Variants in SPTAN1 observed in about 807,000 individuals in gnomAD.
SPTAN1 encodes the protein spectrin alpha chain, non-erythrocytic 1.
In SPTAN1, 61 loss-of-function variants were observed where a neutral mutation model predicts 331.3. The observed-to-expected ratio is 0.18, with a 90% CI of 0.15 to 0.23. The LOEUF (loss-of-function observed/expected upper bound fraction) is 0.23. SPTAN1 is among the 10% of genes least tolerant of loss of function. The pLI, the probability that SPTAN1 is intolerant of heterozygous loss-of-function variation, is 1.00. For synonymous variants in SPTAN1, 1,153 were observed against 1,173.9 expected, an observed-to-expected ratio of 0.98 and a Z score of 0.36; for missense variants, 2,043 against 3,147.9, an observed-to-expected ratio of 0.65 and a Z score of 8.40.
At position 128,625,057 on chromosome 9, in the gene SPTAN1, A is replaced by G. The variant is rs774252764; in HGVS notation, c.5993-46A>G. The G allele has an allele frequency of 3.1e-5, 48 of 1,566,034 alleles. No homozygotes were observed. The highest frequency in any genetic ancestry group is 6.8e-5 in the African/African-American group (5 of 73,960). On this transcript the variant is annotated intron_variant, in intron 46 of 56. Coordinates refer to ENST00000372739, the MANE Select transcript of SPTAN1 (RefSeq NM_001130438.3). This position sits in a 1 kb window ranked among gnomAD's most constrained non-coding sequence, Gnocchi z 4.1. ...TTTTGATGTTTTTCCTTTCTAATCC[A>G]TCTCCACTGAGGAGGGCAGTATATT...
intron 21 of SPTAN1, among the ~76,000 whole-genome samples, chr9:128,590,602 A>T (rs925609747): frequency 1.9e-4 from 29 of 150,838 alleles, no homozygotes; most frequent in Middle Eastern, 6.9e-3. Context: ...CTATAATATC[A>T]GCGCTTTGGG....
At chr9:128,630,523 A>ACT (rs1766797388) in intron 52 of SPTAN1, 148 bp downstream of exon 52, 1 of 702,552 alleles carries the variant, frequency 1.4e-6, no homozygotes, top group Non-Finnish European at 2.5e-6. Flanking sequence ...AGGGCTCTTC[A>ACT]CTATCTCTCT....
chr9:128,618,032 G>A lies in SPTAN1; in HGVS notation c.5524G>A (p.Gly1842Arg), dbSNP rs770133448. 13 of 1,613,934 alleles carry A rather than the reference G, an allele frequency of 8.1e-6. No individual in the cohort carries two copies. Among genetic ancestry groups the A allele is most frequent in the African/African-American group, 1.3e-5 (1 of 74,904 alleles). The change falls in exon 43 of 57, where the codon GGG becomes AGG. Residue 1842 changes from glycine (G) to arginine (R), a missense_variant. Around this residue, in one of 12 missense-constraint regions of SPTAN1, gnomAD observed 323 missense variants for 581.1 expected, o/e 0.56. Transcript: ENST00000372739. The part of the protein sequence containing the change: ...GKKLSDDNTI[G>R]KEEIQQRLAQ... ...GAAGCTGTCCGATGACAACACCATC[G>A]GGAAAGAGGAGATCCAGCAGCGGCT...
intron 1 of SPTAN1, among the ~76,000 whole-genome samples, chr9:128,559,397 G>T (rs1255101890): frequency 6.6e-6 from 1 of 152,158 alleles, no homozygotes; most frequent in Non-Finnish European, 1.5e-5. Context: ...ATCATAAAGG[G>T]CTGTTCCCAA....
intron 1 of SPTAN1, among the ~76,000 whole-genome samples, chr9:128,557,153 C>T (rs893601598): frequency 2.0e-5 from 3 of 152,156 alleles, no homozygotes; most frequent in African/African-American, 7.2e-5. Flanking sequence ...CCAAACGACC[C>T]GTTCATCCTG....
chr9:128,624,756 G>A (rs999072003), intron 46 of SPTAN1: 5 of 567,522 alleles, frequency 8.8e-6, no homozygotes, highest in Non-Finnish European at 1.6e-5. Flanking sequence ...TGACGTCATG[G>A]CATGAACAAA....
intron 43 of SPTAN1, among the ~76,000 whole-genome samples, chr9:128,618,431 C>G (rs1857442661): frequency 6.6e-6 from 1 of 151,890 alleles, no homozygotes; most frequent in Non-Finnish European, 1.5e-5. Context: ...GTGGGTGATT[C>G]ATGATGTTCC....
intron 16 of SPTAN1, 97 bp downstream of exon 16, chr9:128,584,066 G>A: frequency 6.6e-7 from 1 of 1,526,086 alleles, no homozygotes; most frequent in East Asian, 2.3e-5. Flanking sequence ...TTTTGGGAGG[G>A]ATGAAATGTG....
In SPTAN1 at chr9:128,631,103, C is replaced by T. The variant is rs918886551; in HGVS notation, c.6762+728C>T. ...CCAGTGATCTGTCCACCTCAGCCTC[C>T]CAAAGTGCTGGGATTACAAGCATGA... On this transcript the variant is annotated intron_variant, in intron 52 of 56. Transcript: ENST00000372739. Among the ~76,000 whole-genome samples the T allele has an allele frequency of 2.6e-5, 4 of 152,332 alleles. No homozygotes were observed. In the East Asian group the frequency reaches 7.7e-4, roughly 29 times the overall value.
At chr9:128,566,234 T>G (rs144328905) in intron 1 of SPTAN1, among the ~76,000 whole-genome samples, 36 of 152,258 alleles carry the variant, frequency 2.4e-4, no homozygotes, top group Non-Finnish European at 4.3e-4. Context: ...TTTTTTGTAT[T>G]TTTAGTAGAG....
intron 5 of SPTAN1, among the ~76,000 whole-genome samples, chr9:128,576,390 C>T (rs906487032): frequency 4.6e-5 from 7 of 152,034 alleles, no homozygotes; most frequent in Non-Finnish European, 7.4e-5. Flanking sequence ...AAAGAAATGT[C>T]GTCAGTCTAA....
chr9:128,599,316 G>C (rs1854737531), intron 26 of SPTAN1: 4 of 368,678 alleles, frequency 1.1e-5, no homozygotes, highest in South Asian at 9.0e-5. Flanking sequence ...TGTATTTTTA[G>C]TAGAGATGGG....
chr9:128,625,165 C>T lies in SPTAN1; in HGVS notation c.6055C>T (p.Leu2019Phe). The T allele has an allele frequency of 6.2e-7, 1 of 1,614,158 alleles. No individual in the cohort carries two copies. Residue 2019 changes from leucine to phenylalanine, a missense_variant, in exon 47 of 57, where the codon CTC becomes TTC. This residue lies in a region of SPTAN1 where 256 missense variants were observed against 376.4 expected (regional missense o/e 0.68). Transcript: ENST00000372739. This position sits in a 1 kb window ranked among gnomAD's most constrained non-coding sequence, Gnocchi z 4.1. ...CCGAGACCTGTCTTCTGTGCAGACG[C>T]TCCTCACCAAACAGGTCTGCCCTGG... ...YGRDLSSVQT[L>F]LTKQETFDAG...
At chr9:128,617,617 G>A (rs1168957034) in intron 41 of SPTAN1, 23 bp from the exon 42 acceptor site, 3 of 1,614,074 alleles carry the variant, frequency 1.9e-6, no homozygotes, top group South Asian at 1.1e-5. Flanking sequence ...GACTGACTGT[G>A]CTGTTTCCCA....
At chr9:128,611,992 G>A (rs1355104766) in intron 38 of SPTAN1, 117 bp from the exon 39 acceptor site, 1 of 1,605,042 alleles carries the variant, frequency 6.2e-7, no homozygotes, top group African/African-American at 1.3e-5. Context: ...ATGCTAGTGA[G>A]AATGGCTCCT....
intron 37 of SPTAN1, 148 bp downstream of exon 37, chr9:128,609,813 A>G: frequency 5.4e-6 from 3 of 557,134 alleles, no homozygotes; most frequent in South Asian, 3.2e-5. Flanking sequence ...ATTACACTCC[A>G]TTCAAGTGTC....
intron 3 of SPTAN1, among the ~76,000 whole-genome samples, chr9:128,569,461 G>A (rs964165605): frequency 5.9e-5 from 9 of 151,612 alleles, no homozygotes; most frequent in Admixed American, 5.3e-4. Context: ...ATTTTAGTGC[G>A]AGTTTATTGG....
At chr9:128,591,725 C>A (rs1853559764) in intron 22 of SPTAN1, 100 bp downstream of exon 22, 6 of 1,464,342 alleles carry the variant, frequency 4.1e-6, no homozygotes, top group Non-Finnish European at 5.6e-6. Flanking sequence ...TCCTGGAGCC[C>A]ACCTGCACGC....
chr9:128,555,893 A>G (rs1464509628), intron 1 of SPTAN1, among the ~76,000 whole-genome samples: 2 of 152,096 alleles, frequency 1.3e-5, no homozygotes, highest in Admixed American at 1.3e-4. Flanking sequence ...TTCCACCACA[A>G]TTTCTATAAT....
Sources: allele counts gnomAD v4.1 joint callset (sites outside exome capture counted in the v4.1 genomes callset), GRCh38; gene constraint gnomAD v4.1.1; regional missense constraint gnomAD v4.1.1; non-coding constraint Gnocchi (gnomAD v3.1); transcripts MANE v1.5; gene names NCBI Gene and HGNC (gene_info 2026-07-23, HGNC 2026-07-21).